SEMA5A: variants seen among roughly 807,000 people sequenced by gnomAD.
SEMA5A encodes the protein semaphorin-5A.
A neutral mutation model predicts 135.5 loss-of-function variants in SEMA5A; 55 were observed. That is an observed-to-expected ratio of 0.41 (90% CI 0.33 to 0.51). SEMA5A has a LOEUF of 0.51. Among genes scored for constraint, SEMA5A ranks in the 20% least tolerant of loss-of-function variants. SEMA5A has a pLI of 0.37. For synonymous variants in SEMA5A, 580 were observed against 546.5 expected (o/e 1.06, Z -0.85); for missense variants, 1,290 against 1,419.9 (o/e 0.91, Z 1.47).
At chr5:9,515,262 A>G (rs940044147) in intron 1 of SEMA5A, among the ~76,000 whole-genome samples, 35 of 152,140 alleles carry the variant, frequency 2.3e-4, no homozygotes, top group African/African-American at 8.5e-4. Context: ...CTGAGAGAAG[A>G]TCAAAATTCA....
intron 5 of SEMA5A, 145 bp from the exon 6 acceptor site, chr5:9,238,035 C>A (rs1372084161): frequency 1.5e-6 from 1 of 677,446 alleles, no homozygotes; most frequent in Admixed American, 2.6e-5. Flanking sequence ...AGAATTTACA[C>A]CAAATACATG....
intron 17 of SEMA5A, among the ~76,000 whole-genome samples, chr5:9,065,861 T>G (rs1737436663): frequency 6.6e-6 from 1 of 152,224 alleles, no homozygotes; most frequent in South Asian, 2.1e-4. Context: ...AGGCCAGATC[T>G]GGTTTCTGCC....
chr5:9,232,667 C>T (rs1194109093), intron 6 of SEMA5A, among the ~76,000 whole-genome samples: 1 of 152,000 alleles, frequency 6.6e-6, no homozygotes, highest in Admixed American at 6.6e-5. Context: ...ATATACTATA[C>T]TGTATATATG....
At chr5:9,171,310 G>A (rs1743909682) in intron 11 of SEMA5A, among the ~76,000 whole-genome samples, 1 of 152,176 alleles carries the variant, frequency 6.6e-6, no homozygotes, top group Admixed American at 6.5e-5. Flanking sequence ...ATGATGGGGA[G>A]GGCTGTGGAC....
rs552265684 is a variant in SEMA5A, at chr5:9,418,137, C to T, written c.-78+19619G>A. On this transcript the variant is annotated intron_variant, in intron 2 of 22. Coordinates refer to ENST00000382496, the MANE Select transcript of SEMA5A (RefSeq NM_003966.3). ...GACTACAGGTGCCCGCTACCATGCC[C>T]GGCTAATTTTTTGTATTTTTAGTAG... is the stretch of plus-strand genomic sequence containing the variant. Among the ~76,000 whole-genome samples, 45 of 152,076 alleles carry T rather than the reference C, an allele frequency of 3.0e-4. 1 individual carries two copies. The East Asian group carries it at 7.8e-3, about 26-fold the overall frequency.
chr5:9,513,657 A>G (rs2126852688), intron 1 of SEMA5A, among the ~76,000 whole-genome samples: 1 of 152,322 alleles, frequency 6.6e-6, no homozygotes, highest in East Asian at 1.9e-4. Context: ...AATGCCAAGC[A>G]ACTAAAGATT....
chr5:9,051,871 A>G lies in SEMA5A; in HGVS notation c.2845+2T>C. 1.2e-6 allele frequency: 2 copies of G among 1,614,122 alleles called. No homozygotes were observed. Among genetic ancestry groups the G allele is most frequent in the Non-Finnish European group, 8.5e-7 (1 of 1,180,016 alleles). On this transcript the variant is annotated splice_donor_variant, in intron 20 of 22. Coordinates refer to ENST00000382496, the MANE Select transcript of SEMA5A (RefSeq NM_003966.3). LOFTEE classifies it high-confidence loss of function. ...CTTACTGATAAATACCTCTGCTCTT[A>G]CCTGGGATGAAATTAGAGTCAAACA...
intron 11 of SEMA5A, among the ~76,000 whole-genome samples, chr5:9,189,876 T>C (rs1196590993): frequency 2.0e-5 from 3 of 152,216 alleles, no homozygotes; most frequent in Non-Finnish European, 2.9e-5. Context: ...GGCACTGTTT[T>C]TGAACAAATG....
At chr5:9,178,248 A>G (rs1467478003) in intron 11 of SEMA5A, among the ~76,000 whole-genome samples, 1 of 152,110 alleles carries the variant, frequency 6.6e-6, no homozygotes, top group Non-Finnish European at 1.5e-5. Context: ...GTTATGTTCA[A>G]TTTGCACACT....
At chr5:9,073,373 T>C (rs1737873304) in intron 16 of SEMA5A, among the ~76,000 whole-genome samples, 1 of 152,164 alleles carries the variant, frequency 6.6e-6, no homozygotes, top group African/African-American at 2.4e-5. Context: ...ATAATCTCAA[T>C]AGATGCAAAA....
intron 5 of SEMA5A, among the ~76,000 whole-genome samples, chr5:9,264,580 C>T (rs1469827817): frequency 6.6e-6 from 1 of 152,104 alleles, no homozygotes; most frequent in Non-Finnish European, 1.5e-5. Context: ...CCCTACAGTT[C>T]TCAGCTTCGG....
At chr5:9,449,518 GTTTACCTC>G (rs1198367140) in intron 1 of SEMA5A, among the ~76,000 whole-genome samples, 1 of 151,376 alleles carries the variant, frequency 6.6e-6, no homozygotes, top group African/African-American at 2.4e-5. Context: ...CATGACACAT[GTTTACCTC>G]TTTAATAAAC....
At chr5:9,396,397 T>C (rs1243876117) in intron 2 of SEMA5A, among the ~76,000 whole-genome samples, 1 of 152,150 alleles carries the variant, frequency 6.6e-6, no homozygotes, top group Non-Finnish European at 1.5e-5. Context: ...TTGATTTCTG[T>C]ATTCTTGATC....
At chr5:9,425,519 C>T (rs1455623263) in intron 2 of SEMA5A, among the ~76,000 whole-genome samples, 5 of 152,182 alleles carry the variant, frequency 3.3e-5, no homozygotes, top group African/African-American at 1.2e-4. Context: ...TTAATTGAGA[C>T]GACCACTAGC....
chr5:9,063,613 C>T (rs1225888044), intron 17 of SEMA5A, among the ~76,000 whole-genome samples: 1 of 152,224 alleles, frequency 6.6e-6, no homozygotes, highest in East Asian at 1.9e-4. Context: ...AAGTCAACTG[C>T]TTCTGGATCA....
At chr5:9,050,994 C>G (rs776033817) in intron 20 of SEMA5A, among the ~76,000 whole-genome samples, 1 of 152,248 alleles carries the variant, frequency 6.6e-6, no homozygotes, top group East Asian at 1.9e-4. Context: ...ACATCTCATA[C>G]ATGTTTTAAC....
intron 5 of SEMA5A, among the ~76,000 whole-genome samples, chr5:9,247,571 G>T (rs927484308): frequency 1.3e-5 from 2 of 152,038 alleles, no homozygotes; most frequent in Admixed American, 1.3e-4. Context: ...TATACTCATG[G>T]AACAACTCAG....
Position 9,224,887 on chromosome 5 carries a change from A to G in SEMA5A, c.433T>C (p.Leu145=), listed in dbSNP as rs1197583783. ...TCATGGATCTCAGTCAGGTTGCTCA[A>G]CTGTGGGGGAGGATGAGAGGGAAAG... The part of the protein sequence containing the change: ...AFTPVCTNRS[L]SNLTEIHDQI... Residue 145 remains leucine (L), a splice_region_variant and synonymous_variant, in exon 8 of 23, where the codon TTG becomes CTG. Transcript: ENST00000382496. The G allele has an allele frequency of 1.2e-6, 2 of 1,610,954 alleles. No homozygotes were observed. The highest frequency in any genetic ancestry group is 1.7e-6 in the Non-Finnish European group (2 of 1,178,380).
intron 8 of SEMA5A, among the ~76,000 whole-genome samples, chr5:9,221,377 A>G (rs1465788364): frequency 7.5e-6 from 1 of 133,792 alleles, no homozygotes; most frequent in African/African-American, 2.9e-5. Flanking sequence ...ATCTCGGCTT[A>G]CTGCAAGCTC....
Sources: gnomAD v4.1 joint callset for allele counts (sites outside exome capture counted in the v4.1 genomes callset) on GRCh38, gnomAD v4.1.1 for gene constraint, MANE v1.5 for transcripts, NCBI Gene and HGNC (gene_info 2026-07-23, HGNC 2026-07-21) for gene names.